UBXN7: variants seen among roughly 807,000 people sequenced by gnomAD.
UBXN7 encodes UBX domain protein 7.
Under a neutral mutation model 58.0 loss-of-function variants are expected in UBXN7, and 9 were observed. That is an observed-to-expected ratio of 0.16 (90% CI 0.09 to 0.27). The LOEUF is 0.27. Ranked by LOEUF, UBXN7 falls within the 10% of genes least tolerant of loss-of-function variation. UBXN7 has a pLI of 1.00. For missense variants in UBXN7, 328 were observed against 599.6 expected, an observed-to-expected ratio of 0.55 and a Z score of 4.73; for synonymous variants, 208 against 205.0, an observed-to-expected ratio of 1.01 and a Z score of -0.12.
At chr3:196,362,038 T>C (rs1455518150) in intron 9 of UBXN7, 115 bp from the exon 10 acceptor site, 3 of 1,131,490 alleles carry the variant, frequency 2.7e-6, no homozygotes, top group Non-Finnish European at 3.8e-6. Flanking sequence ...TCAAGTGTTT[T>C]GCTGGAGTGC....
chr3:196,356,474 G>T lies in UBXN7; in HGVS notation c.*211C>A. 2.1e-6 allele frequency: 1 copy of T among 482,142 alleles called. No homozygotes were observed. The highest frequency in any genetic ancestry group is 3.6e-6 in the Non-Finnish European group (1 of 279,446). 29.9% of individuals were successfully genotyped at this position (482,142 alleles called of 1,614,324 possible). A position where few individuals can be genotyped will look rare whatever the true frequency, so the allele number is the denominator to read the frequency against. The stretch of plus-strand genomic sequence containing the variant: ...GGGGGAGGGGGAGGCAGAAGGGTAC[G>T]GAGTGGGGAGCGAGAAAACAGAAGA... On this transcript the variant is annotated 3_prime_UTR_variant, in exon 11 of 11. Transcript: ENST00000296328.
At chr3:196,394,429 T>C in intron 3 of UBXN7, among the ~76,000 whole-genome samples, 1 of 151,540 alleles carries the variant, frequency 6.6e-6, no homozygotes, top group East Asian at 1.9e-4. Context: ...AATGAAACCC[T>C]GTCTCTAATA....
intron 10 of UBXN7, 21 bp from the exon 11 acceptor site, chr3:196,356,867 C>CA (rs781737838): frequency 6.3e-7 from 1 of 1,594,112 alleles, no homozygotes; most frequent in Non-Finnish European, 8.5e-7. Flanking sequence ...AAGAGAAAGA[C>CA]AAAGCCATTA....
intron 10 of UBXN7, among the ~76,000 whole-genome samples, chr3:196,358,207 GAAAAC>G (rs1292931556): frequency 6.6e-6 from 1 of 152,126 alleles, no homozygotes; most frequent in Non-Finnish European, 1.5e-5. Flanking sequence ...AATCCCAAGA[GAAAAC>G]CTACAGGCCC....
intron 3 of UBXN7, among the ~76,000 whole-genome samples, chr3:196,397,051 T>C (rs886522319): frequency 1.3e-5 from 2 of 152,190 alleles, no homozygotes; most frequent in South Asian, 2.1e-4. Context: ...GTTTACCCTA[T>C]TTCTAAGCAA....
At chr3:196,392,508 A>C (rs1271888132) in intron 4 of UBXN7, among the ~76,000 whole-genome samples, 1 of 148,354 alleles carries the variant, frequency 6.7e-6, no homozygotes, top group Non-Finnish European at 1.5e-5. Flanking sequence ...CTCCATCTCA[A>C]AAAAAAAAAA....
chr3:196,408,976 T>C (rs1318212752), intron 1 of UBXN7, among the ~76,000 whole-genome samples: 1 of 152,212 alleles, frequency 6.6e-6, no homozygotes, highest in Non-Finnish European at 1.5e-5. Flanking sequence ...TTATATTTGA[T>C]CGTTGTCTCG....
At chr3:196,381,004 C>T (rs550166102) in intron 5 of UBXN7, among the ~76,000 whole-genome samples, 1 of 152,386 alleles carries the variant, frequency 6.6e-6, no homozygotes, top group East Asian at 1.9e-4. Context: ...GAGCCCACCA[C>T]AGCTCAACAA....
intron 1 of UBXN7, among the ~76,000 whole-genome samples, chr3:196,420,257 G>A (rs1023859482): frequency 6.6e-6 from 1 of 152,042 alleles, no homozygotes; most frequent in African/African-American, 2.4e-5. Flanking sequence ...TTGGGACTGG[G>A]TGCAGTGTCT....
intron 1 of UBXN7, among the ~76,000 whole-genome samples, chr3:196,416,882 G>A (rs1730502282): frequency 6.6e-6 from 1 of 152,146 alleles, no homozygotes; most frequent in African/African-American, 2.4e-5. Flanking sequence ...TGATTTAGAA[G>A]AAGAGGGATG....
chr3:196,400,952 G>A (rs974405514), intron 3 of UBXN7, among the ~76,000 whole-genome samples: 6 of 151,766 alleles, frequency 4.0e-5, no homozygotes, highest in Non-Finnish European at 7.4e-5. Flanking sequence ...TGAGCAATAT[G>A]GTATATTAAC....
intron 1 of UBXN7, among the ~76,000 whole-genome samples, chr3:196,420,324 G>A (rs1168405295): frequency 2.0e-5 from 3 of 152,056 alleles, no homozygotes; most frequent in Admixed American, 6.6e-5. Flanking sequence ...CCTGAAGTCA[G>A]AAGTTTGAGA....
At chr3:196,432,266 G>A in intron 1 of UBXN7, 61 bp downstream of exon 1, 2 of 1,601,840 alleles carry the variant, frequency 1.2e-6, no homozygotes, top group Non-Finnish European at 1.7e-6. Flanking sequence ...GGGAAGCCCG[G>A]GGCAGACCCG....
rs541040707 is a variant in UBXN7, at chr3:196,396,029, G to A, written c.290-2410C>T. On this transcript the variant is annotated intron_variant, in intron 3 of 10. Transcript: ENST00000296328. ...GATCCACCCGCCTCGGCTACCAAAA[G>A]TGCTGGAATTACAGGAGTGAGCTAC... 2.0e-5 allele frequency among the ~76,000 whole-genome samples: 3 copies of A among 152,284 alleles called. 1 individual carries two copies. In the South Asian group the frequency reaches 6.2e-4, roughly 32 times the overall value.
In UBXN7 at chr3:196,352,995, T is replaced by C. The variant is rs1280960269; in HGVS notation, c.*3690A>G. The C allele has an allele frequency of 9.2e-5, 14 of 152,228 alleles. No homozygotes were observed. The highest frequency in any genetic ancestry group is 2.9e-5 in the Non-Finnish European group (2 of 68,028). 9.4% of individuals were successfully genotyped at this position (152,228 alleles called of 1,614,324 possible). ...AATTTTACTTTCACATCTTCACCAGTGCATCATTTTAAAAAAGCAATAATC... is the reference window on the plus strand; with the variant it reads ...AATTTTACTTTCACATCTTCACCAGCGCATCATTTTAAAAAAGCAATAATC... On this transcript the variant is annotated 3_prime_UTR_variant, in exon 11 of 11. Coordinates refer to ENST00000296328, the MANE Select transcript of UBXN7 (RefSeq NM_015562.2). The surrounding 1 kb of genome is among the most constrained non-coding windows in gnomAD (Gnocchi z 4.1).
intron 5 of UBXN7, among the ~76,000 whole-genome samples, chr3:196,373,673 T>C (rs1283910173): frequency 6.6e-6 from 1 of 152,002 alleles, no homozygotes; most frequent in Admixed American, 6.6e-5. Context: ...ATCTCACAAA[T>C]AGCTTTTTTT....
intron 5 of UBXN7, among the ~76,000 whole-genome samples, chr3:196,380,257 CAA>C (rs1385478482): frequency 1.2e-4 from 10 of 85,486 alleles, no homozygotes; most frequent in Non-Finnish European, 7.5e-5. Flanking sequence ...GATTTCATCT[CAA>C]AAAAAAAAAA....
chr3:196,403,906 A>C (rs2108853224), intron 2 of UBXN7, among the ~76,000 whole-genome samples: 1 of 152,272 alleles, frequency 6.6e-6, no homozygotes, highest in Non-Finnish European at 1.5e-5. Context: ...TTCCAATAAG[A>C]AAAAACTCAT....
rs559304237 is a variant in UBXN7, at chr3:196,413,877, T to G, written c.74-6484A>C. Among the ~76,000 whole-genome samples the G allele has an allele frequency of 6.6e-5, 10 of 152,316 alleles. No individual in the cohort carries two copies. In the East Asian group the frequency reaches 1.9e-3, roughly 29 times the overall value. On this transcript the variant is annotated intron_variant, in intron 1 of 10. Coordinates refer to ENST00000296328, the MANE Select transcript of UBXN7 (RefSeq NM_015562.2). ...TACTTTAAATCATCTCTAGATTACT[T>G]ATAGCACCTAATACAATGTAAATGC...
Sources: allele counts gnomAD v4.1 joint callset (sites outside exome capture counted in the v4.1 genomes callset), GRCh38; gene constraint gnomAD v4.1.1; non-coding constraint Gnocchi (gnomAD v3.1); transcripts MANE v1.5; gene names NCBI Gene and HGNC (gene_info 2026-07-23, HGNC 2026-07-21).